Variants in RPL6 observed in about 807,000 individuals in gnomAD.
RPL6 encodes the protein large ribosomal subunit protein eL6.
RPL6 carries 1 observed loss-of-function variant against 32.1 expected under a neutral mutation model. That is an observed-to-expected ratio of 0.03 (90% CI 0.01 to 0.15). The LOEUF (loss-of-function observed/expected upper bound fraction) is 0.15. RPL6 is among the 10% of genes least tolerant of loss of function. The probability of loss-of-function intolerance (pLI) is 1.00; values close to 1 mark genes in which losing one functional copy is unlikely to be tolerated. For missense variants in RPL6, 275 were observed against 354.6 expected, an observed-to-expected ratio of 0.78 and a Z score of 1.80; for synonymous variants, 126 against 131.6, an observed-to-expected ratio of 0.96 and a Z score of 0.29.
At chr12:112,412,361 G>A (rs1342344742), upstream of RPL6, among the ~76,000 whole-genome samples, 1 of 151,950 alleles carries the variant, frequency 6.6e-6, no homozygotes, top group Non-Finnish European at 1.5e-5. Flanking sequence ...TTTTATTGGA[G>A]ACAGGATTTC....
chr12:112,410,871 G>A (rs1289230788), upstream of RPL6, among the ~76,000 whole-genome samples: 1 of 152,082 alleles, frequency 6.6e-6, no homozygotes, highest in South Asian at 2.1e-4. Context: ...CACCGCACCT[G>A]GCGAACTGTT....
upstream of RPL6, chr12:112,410,378 C>G (rs1462522080): frequency 3.9e-6 from 1 of 255,160 alleles, no homozygotes; most frequent in Non-Finnish European, 8.0e-6. Flanking sequence ...TCCCGTCCTC[C>G]GGCCTGGCCT....
At chr12:112,411,216 C>T (rs1246171696), upstream of RPL6, 2 of 152,188 alleles carry the variant, frequency 1.3e-5, no homozygotes, top group Non-Finnish European at 2.9e-5. Flanking sequence ...TATTTATTAT[C>T]TTTTACAAAA....
intron 4 of RPL6, 22 bp from the exon 5 acceptor site, chr12:112,406,364 A>G (rs1187016070): frequency 1.2e-6 from 2 of 1,604,614 alleles, no homozygotes; most frequent in Non-Finnish European, 1.7e-6. Context: ...AAAGAAAATA[A>G]TTAGTTTTCT....
Position 112,408,418 on chromosome 12 carries a change from A to G in RPL6, c.237+2T>C. 6.2e-7 allele frequency: 1 copy of G among 1,614,080 alleles called. No homozygotes were observed. ...TAATGGTCCGTGGTCCTCTTCCCTT[A>G]CCTTGGATTTAGCGGCTGAGTACTT... On this transcript the variant is annotated splice_donor_variant, in intron 2 of 6. Transcript: ENST00000202773. LOFTEE classifies it high-confidence loss of function.
intron 3 of RPL6, 162 bp from the exon 4 acceptor site, chr12:112,407,052 C>T (rs1209921227): frequency 1.5e-6 from 1 of 687,172 alleles, no homozygotes; most frequent in African/African-American, 1.8e-5. Context: ...TGGAAAAGGT[C>T]AATTATGCTT....
intron 1 of RPL6, chr12:112,409,208 G>T (rs765241909): frequency 2.8e-6 from 1 of 363,122 alleles, no homozygotes; most frequent in Non-Finnish European, 4.9e-6. Flanking sequence ...GAAACCTTTT[G>T]GCTTCAGTGC....
At position 112,409,568 on chromosome 12, in the gene RPL6, A is replaced by G. The variant is rs561030382; in HGVS notation, c.-1+19T>C. The stretch of plus-strand genomic sequence containing the variant: ...GGAGTCCTGAACTCAAGTCTTGCAG[A>G]CAGGCCCGCGATTCTTACCTTGCAA... On this transcript the variant is annotated intron_variant, in intron 1 of 6. Coordinates refer to ENST00000202773, the MANE Select transcript of RPL6 (RefSeq NM_000970.6). 1.0e-5 allele frequency: 4 copies of G among 398,626 alleles called. No individual in the cohort carries two copies. The South Asian group carries it at 3.8e-4, about 38-fold the overall frequency. The allele number at this position is 398,626 out of a possible 1,614,324, so 24.7% of individuals were successfully genotyped here. A position where few individuals can be genotyped will look rare whatever the true frequency, so the allele number is the denominator to read the frequency against.
Position 112,406,290 on chromosome 12 carries a change from T to C in RPL6, c.529+4A>G, listed in dbSNP as rs2037166593. The C allele has an allele frequency of 6.2e-7, 1 of 1,611,634 alleles. No homozygotes were observed. The highest frequency in any genetic ancestry group is 1.1e-5 in the South Asian group (1 of 90,928). ...AGAACATCACAATCCAAGGATTTTC[T>C]TACCAGTCACAAGTAATAAGCCACT... On this transcript the variant is annotated splice_donor_region_variant and intron_variant, in intron 5 of 6. Coordinates refer to ENST00000202773, the MANE Select transcript of RPL6 (RefSeq NM_000970.6).
At position 112,409,603 on chromosome 12, in the gene RPL6, G is replaced by A. The variant is rs139317726; in HGVS notation, c.-17C>T. On this transcript the variant is annotated 5_prime_UTR_variant, in exon 1 of 7. Coordinates refer to ENST00000202773, the MANE Select transcript of RPL6 (RefSeq NM_000970.6). ...GATTCTTACCTTGCAAGATGGGAAAGAGAATTAAGGTCCCGGCTTCCGGTC... is the reference window on the plus strand; with the variant it reads ...GATTCTTACCTTGCAAGATGGGAAAAAGAATTAAGGTCCCGGCTTCCGGTC... 94 of 398,268 alleles carry A rather than the reference G, an allele frequency of 2.4e-4. No individual in the cohort carries two copies. Among genetic ancestry groups the A allele is most frequent in the Non-Finnish European group, 2.9e-4 (66 of 225,982 alleles). The allele number at this position is 398,268 out of a possible 1,614,324, so 24.7% of individuals were successfully genotyped here. A position where few individuals can be genotyped will look rare whatever the true frequency, so the allele number is the denominator to read the frequency against.
Position 112,406,885 on chromosome 12 carries a change from T to A in RPL6, c.342A>T (p.Arg114Ser). ...TRVVKLRKMP[R>S]YYPTEDVPRK... The stretch of plus-strand genomic sequence containing the variant: ...GAGGCACATCTTCAGTAGGATAATA[T>A]CTAGGCTGTGGAGAGTCCATAGATC... The change falls in exon 4 of 7, where the codon AGA becomes AGT. Residue 114 changes from arginine (R) to serine (S), a missense_variant. Physicochemically the swap from Arg to Ser is moderately radical, Grantham distance 110. Coordinates refer to ENST00000202773, the MANE Select transcript of RPL6 (RefSeq NM_000970.6). The A allele has an allele frequency of 1.2e-6, 2 of 1,614,234 alleles. No homozygotes were observed. Among genetic ancestry groups the A allele is most frequent in the Non-Finnish European group, 1.7e-6 (2 of 1,180,040 alleles).
upstream of RPL6, chr12:112,410,369 C>A: frequency 3.7e-6 from 1 of 266,956 alleles, no homozygotes; most frequent in Non-Finnish European, 7.6e-6. Flanking sequence ...CTTTCTCATT[C>A]CCGTCCTCCG....
At chr12:112,413,743 C>T (rs543817203), upstream of RPL6, among the ~76,000 whole-genome samples, 262 of 151,252 alleles carry the variant, frequency 1.7e-3, no homozygotes, top group Admixed American at 2.5e-3. Flanking sequence ...ATGGGAAGAC[C>T]GGCCGGACAT....
chr12:112,406,754 C>A lies in RPL6; in HGVS notation c.473G>T (p.Arg158Met), dbSNP rs1321641719. The part of the protein sequence containing the change: ...TILIILTGRH[R>M]GKRVVFLKQL... ...AAGCACAGGTACTCTCACCTTGCCCCTGTGGCGTCCAGTGAGGATGATCAG... is the reference window on the plus strand; with the variant it reads ...AAGCACAGGTACTCTCACCTTGCCCATGTGGCGTCCAGTGAGGATGATCAG... Residue 158 changes from arginine to methionine, a missense_variant, in exon 4 of 7, where the codon AGG becomes ATG. Transcript: ENST00000202773. 1 of 1,614,084 alleles carries A rather than the reference C, an allele frequency of 6.2e-7. No homozygotes were observed. The highest frequency in any genetic ancestry group is 8.5e-7 in the Non-Finnish European group (1 of 1,180,050).
At chr12:112,413,149 G>A (rs941289869), upstream of RPL6, among the ~76,000 whole-genome samples, 6 of 152,086 alleles carry the variant, frequency 3.9e-5, no homozygotes, top group African/African-American at 1.4e-4. Flanking sequence ...TTGTTGCAAG[G>A]AACTTGTATT....
chr12:112,411,588 A>G (rs1164564178), upstream of RPL6: 2 of 152,230 alleles, frequency 1.3e-5, no homozygotes, highest in Non-Finnish European at 2.9e-5. Flanking sequence ...AATGAATGAG[A>G]TGCACAGTTG....
At chr12:112,408,761 A>C in intron 1 of RPL6, 105 bp from the exon 2 acceptor site, 1 of 939,398 alleles carries the variant, frequency 1.1e-6, no homozygotes, top group East Asian at 2.4e-5. Context: ...CCAGACTACA[A>C]TCCCTCCCCC....
At chr12:112,414,963 G>T (rs566717463), upstream of RPL6, among the ~76,000 whole-genome samples, 1 of 151,864 alleles carries the variant, frequency 6.6e-6, no homozygotes, top group Admixed American at 6.6e-5. Context: ...TATATGATAC[G>T]GCTCTTAGAT....
upstream of RPL6, among the ~76,000 whole-genome samples, chr12:112,412,632 C>T (rs1459459873): frequency 6.6e-6 from 1 of 152,110 alleles, no homozygotes; most frequent in Non-Finnish European, 1.5e-5. Context: ...CACCACCATA[C>T]CTGGCTAATT....
Sources: gnomAD v4.1 joint callset for allele counts (sites outside exome capture counted in the v4.1 genomes callset) on GRCh38, gnomAD v4.1.1 for gene constraint, MANE v1.5 for transcripts, NCBI Gene and HGNC (gene_info 2026-07-23, HGNC 2026-07-21) for gene names.